Variants in FGF13 observed in about 807,000 individuals in gnomAD.
The protein encoded by FGF13 is fibroblast growth factor 13.
FGF13 carries 2 observed loss-of-function variants against 19.5 expected under a neutral mutation model. The ratio of observed to expected loss-of-function variants is 0.10; its 90% confidence interval spans 0.04 to 0.32. The LOEUF is 0.32. Among genes scored for constraint, FGF13 ranks in the 10% least tolerant of loss-of-function variants. FGF13 has a pLI of 1.00. For missense variants in FGF13, 113 were observed against 192.7 expected (o/e 0.59, Z 2.45); for synonymous variants, 72 against 76.9 (o/e 0.94, Z 0.33).
upstream of FGF13, among the ~76,000 whole-genome samples, chrX:138,742,995 G>C (rs1407248760): frequency 9.0e-6 from 1 of 111,642 alleles, no homozygotes; most frequent in Non-Finnish European, 1.9e-5. Context: ...TGATGGAAAG[G>C]AGGAATTTAT....
Position 138,879,583 on chromosome X carries a change from C to T in FGF13, c.-112-14933G>A, listed in dbSNP as rs139861494. ...TGCAGGTTTGTTACATAGGTATACA[C>T]GTGCCATGGTGGTTTGCTGCACCCA... is the stretch of plus-strand genomic sequence containing the variant. On this transcript the variant is annotated intron_variant, in intron 1 of 2. Transcript: ENST00000421460. Among the ~76,000 whole-genome samples the T allele has an allele frequency of 7.8e-3, 866 of 111,343 alleles. 12 individuals are homozygous for T. Among genetic ancestry groups the T allele is most frequent in the African/African-American group, 0.027 (831 of 30,607 alleles).
At chrX:138,892,002 A>ATATATGTATGTGTGTGTGTGTGTG (rs756839627) in intron 1 of FGF13, among the ~76,000 whole-genome samples, 53 of 90,378 alleles carry the variant, frequency 5.9e-4, no homozygotes, top group African/African-American at 2.1e-3. Flanking sequence ...ATATATACAT[A>ATATATGTATGTGTGTGTGTGTGTG]TGTGTGTGTG....
At chrX:138,795,918 C>T (rs962937221) in intron 3 of FGF13, among the ~76,000 whole-genome samples, 3 of 111,344 alleles carry the variant, frequency 2.7e-5, no homozygotes, top group African/African-American at 9.8e-5. Flanking sequence ...GTGAAGTGAA[C>T]CATTATTAAA....
chrX:138,640,369 C>T (rs192986222), intron 3 of FGF13, among the ~76,000 whole-genome samples: 4 of 111,972 alleles, frequency 3.6e-5, no homozygotes, highest in African/African-American at 1.3e-4. Flanking sequence ...ACCGCAAGAC[C>T]CAAAGGTGTG....
At chrX:138,677,934 G>A (rs2089688726) in intron 3 of FGF13, among the ~76,000 whole-genome samples, 1 of 112,032 alleles carries the variant, frequency 8.9e-6, no homozygotes, top group African/African-American at 3.2e-5. Context: ...CAACCCAAAT[G>A]TCCAACAATG....
chrX:138,741,487 G>T (rs1018260246), upstream of FGF13, among the ~76,000 whole-genome samples: 2 of 111,575 alleles, frequency 1.8e-5, no homozygotes, highest in Non-Finnish European at 3.8e-5. Context: ...TCTCAGCCAT[G>T]CAGGGCCTTT....
Position 138,623,669 on chromosome X carries a change from C to A in FGF13, c.*9181G>T, listed in dbSNP as rs2089032259. 9.1e-6 allele frequency: 1 copy of A among 110,203 alleles called. No homozygotes were observed. The highest frequency in any genetic ancestry group is 3.9e-4 in the South Asian group (1 of 2,572). 9.1% of individuals were successfully genotyped at this position (110,203 alleles called of 1,213,427 possible). On this transcript the variant is annotated 3_prime_UTR_variant, in exon 5 of 5. Transcript: ENST00000315930. Reference sequence around the variant, plus strand: ...GTAGGCGCCTATAATCCCAGCTACTCGGGAGGCTGAGGCAAGAGAATCCCT... The same window carrying A: ...GTAGGCGCCTATAATCCCAGCTACTAGGGAGGCTGAGGCAAGAGAATCCCT...
intron 3 of FGF13, among the ~76,000 whole-genome samples, chrX:138,838,078 G>T (rs1213449904): frequency 1.8e-5 from 2 of 112,094 alleles, no homozygotes; most frequent in African/African-American, 6.5e-5. Flanking sequence ...CAGCTAAGTT[G>T]CCCAAACAGC....
chrX:138,821,333 A>C (rs1158401163), intron 3 of FGF13, among the ~76,000 whole-genome samples: 1 of 112,160 alleles, frequency 8.9e-6, no homozygotes, highest in Admixed American at 9.5e-5. Context: ...AACTTGTTTA[A>C]AATTTTAATA....
chrX:138,695,138 G>C (rs1324838519), intron 3 of FGF13, among the ~76,000 whole-genome samples: 2 of 110,748 alleles, frequency 1.8e-5, no homozygotes, highest in African/African-American at 6.6e-5. Context: ...CATACCTCCA[G>C]ATGTGATACC....
At chrX:139,089,609 G>A (rs2083426902) in intron 1 of FGF13, among the ~76,000 whole-genome samples, 1 of 111,338 alleles carries the variant, frequency 9.0e-6, no homozygotes, top group South Asian at 3.8e-4. Flanking sequence ...AGCTTTATAT[G>A]CCTCAGTTTC....
At chrX:139,148,224 G>T (rs1055226461) in intron 1 of FGF13, among the ~76,000 whole-genome samples, 1 of 111,139 alleles carries the variant, frequency 9.0e-6, no homozygotes, top group Non-Finnish European at 1.9e-5. Flanking sequence ...TTCCTTCTCA[G>T]CCATTGCCCT....
At chrX:139,050,643 A>T (rs962352696) in intron 1 of FGF13, among the ~76,000 whole-genome samples, 2 of 112,254 alleles carry the variant, frequency 1.8e-5, no homozygotes, top group African/African-American at 6.5e-5. Flanking sequence ...GGAGGCCACT[A>T]TGTTTTAAAA....
At chrX:138,713,691 G>A (rs1403245815), upstream of FGF13, among the ~76,000 whole-genome samples, 6 of 111,785 alleles carry the variant, frequency 5.4e-5, no homozygotes, top group South Asian at 3.8e-4. Flanking sequence ...AGCTCTCACT[G>A]TTTGCTTCTG....
intron 1 of FGF13, among the ~76,000 whole-genome samples, chrX:139,010,088 G>C (rs1331686403): frequency 2.7e-5 from 3 of 111,925 alleles, no homozygotes; most frequent in Non-Finnish European, 5.6e-5. Flanking sequence ...AAAAGGACTA[G>C]TGCAAGAGGA....
intron 1 of FGF13, among the ~76,000 whole-genome samples, chrX:138,728,185 C>T (rs2124284682): frequency 9.0e-6 from 1 of 111,164 alleles, no homozygotes; most frequent in South Asian, 3.8e-4. Context: ...ATAATTTTTG[C>T]AACTTTCTTG....
chrX:139,154,057 A>G (rs1481439213), intron 1 of FGF13, among the ~76,000 whole-genome samples: 1 of 111,870 alleles, frequency 8.9e-6, no homozygotes, highest in Non-Finnish European at 1.9e-5. Flanking sequence ...ATCTGTTACA[A>G]CAATTCTAGG....
At chrX:139,120,476 G>T (rs2083669719) in intron 1 of FGF13, among the ~76,000 whole-genome samples, 1 of 111,393 alleles carries the variant, frequency 9.0e-6, no homozygotes, top group African/African-American at 3.3e-5. Flanking sequence ...CTTGCCCGAG[G>T]TCCCAAAGCC....
At chrX:138,979,700 A>G (rs2091955626) in intron 1 of FGF13, among the ~76,000 whole-genome samples, 1 of 111,304 alleles carries the variant, frequency 9.0e-6, no homozygotes, top group Non-Finnish European at 1.9e-5. Context: ...GACTCCTGAA[A>G]AAGAGTCCCT....
Sources: allele counts gnomAD v4.1 joint callset (sites outside exome capture counted in the v4.1 genomes callset), GRCh38; gene constraint gnomAD v4.1.1; transcripts MANE v1.5; gene names NCBI Gene and HGNC (gene_info 2026-07-23, HGNC 2026-07-21).